NR5A1: variants seen among roughly 807,000 people sequenced by gnomAD.
The protein encoded by NR5A1 is steroidogenic factor 1.
A neutral mutation model predicts 42.7 loss-of-function variants in NR5A1; 6 were observed. The observed-to-expected ratio is 0.14, with a 90% CI of 0.08 to 0.28. The LOEUF is 0.28. NR5A1 is among the 10% of genes least tolerant of loss of function. The pLI is 1.00. For synonymous variants in NR5A1, 274 were observed against 277.5 expected (o/e 0.99, Z 0.12); for missense variants, 442 against 626.4 (o/e 0.71, Z 3.14).
At chr9:124,497,470 AG>A (rs1022032398) in intron 4 of NR5A1, among the ~76,000 whole-genome samples, 1 of 152,162 alleles carries the variant, frequency 6.6e-6, no homozygotes, top group African/African-American at 2.4e-5. Context: ...AAGATGGGGG[AG>A]GAAGACCCCA....
chr9:124,490,879 A>G (rs1393714082), intron 6 of NR5A1, among the ~76,000 whole-genome samples: 1 of 152,184 alleles, frequency 6.6e-6, no homozygotes, highest in Non-Finnish European at 1.5e-5. Context: ...CCAGAGCGGG[A>G]GCAGCCCCCA....
intron 4 of NR5A1, among the ~76,000 whole-genome samples, chr9:124,497,171 C>T (rs1832401788): frequency 1.3e-5 from 2 of 152,172 alleles, no homozygotes; most frequent in Non-Finnish European, 2.9e-5. Flanking sequence ...AAACTGCCCG[C>T]GCTCAGTTCT....
intron 6 of NR5A1, among the ~76,000 whole-genome samples, chr9:124,489,208 T>A (rs1832266283): frequency 6.6e-6 from 1 of 152,218 alleles, no homozygotes; most frequent in African/African-American, 2.4e-5. Flanking sequence ...GACAGAGCCC[T>A]GGCAAAGGAG....
At chr9:124,485,517 G>GCCCTCCATCCTCCCAGCCTCCAT (rs1223834183) in intron 6 of NR5A1, among the ~76,000 whole-genome samples, 2 of 152,112 alleles carry the variant, frequency 1.3e-5, no homozygotes, top group African/African-American at 4.8e-5. Context: ...GCAGGACCTG[G>GCCCTCCATCCTCCCAGCCTCCAT]CCTCCATCCT....
At position 124,498,488 on chromosome 9, in the gene NR5A1, A is replaced by G. The variant is rs1383685180; in HGVS notation, c.870+1602T>C. The stretch of plus-strand genomic sequence containing the variant: ...GCGTGAAAATCCCCGGGAGACTAGG[A>G]AGGCAGCCAGAGGAAGTGCCCTGCC... On this transcript the variant is annotated intron_variant, in intron 4 of 6. Coordinates refer to ENST00000373588, the MANE Select transcript of NR5A1 (RefSeq NM_004959.5). The surrounding 1 kb of genome is among the most constrained non-coding windows in gnomAD (Gnocchi z 4.6). Among the ~76,000 whole-genome samples the G allele has an allele frequency of 2.0e-5, 3 of 152,144 alleles. No homozygotes were observed. Among genetic ancestry groups the G allele is most frequent in the Non-Finnish European group, 4.4e-5 (3 of 68,020 alleles).
chr9:124,490,327 G>A (rs1197164301), intron 6 of NR5A1, among the ~76,000 whole-genome samples: 1 of 152,214 alleles, frequency 6.6e-6, no homozygotes, highest in Non-Finnish European at 1.5e-5. Context: ...TATGTCCTCA[G>A]CATCTCTGGG....
intron 6 of NR5A1, 50 bp downstream of exon 6, chr9:124,491,031 C>T: frequency 1.6e-6 from 2 of 1,217,250 alleles, no homozygotes; most frequent in Non-Finnish European, 2.3e-6. Flanking sequence ...ACCCTCCCAC[C>T]CACCCGCCTC....
chr9:124,482,944 G>T lies in NR5A1; in HGVS notation c.1200C>A (p.Ala400=). The T allele has an allele frequency of 1.2e-6, 2 of 1,614,160 alleles. No individual in the cohort carries two copies. Among genetic ancestry groups the T allele is most frequent in the Non-Finnish European group, 1.7e-6 (2 of 1,180,032 alleles). ...AGTGGCACAGGGTGTAGTCAAGCAG[G>T]GCGGCGTTGGCCTTCTCCTGAGCGT... ...VKDAQEKANA[A]LLDYTLCHYP... The change falls in exon 7 of 7, where the codon GCC becomes GCA. Residue 400 remains alanine, a synonymous_variant. Coordinates refer to ENST00000373588, the MANE Select transcript of NR5A1 (RefSeq NM_004959.5).
chr9:124,500,194 G>T lies in NR5A1; in HGVS notation c.766C>A (p.Pro256Thr), dbSNP rs1832444845. Residue 256 changes from proline to threonine, a missense_variant, in exon 4 of 7, where the codon CCC becomes ACC. Physicochemically the swap from Pro to Thr is conservative, Grantham distance 38. Around this residue, in one of 3 missense-constraint regions of NR5A1, gnomAD observed 208 missense variants for 203.8 expected, o/e 1.02. Coordinates refer to ENST00000373588, the MANE Select transcript of NR5A1 (RefSeq NM_004959.5). The surrounding 1 kb of genome is among the most constrained non-coding windows in gnomAD (Gnocchi z 6.9). ...GCLQEPTKSRPDQPAAFGLLC... is the reference protein window; with the variant it reads ...GCLQEPTKSRTDQPAAFGLLC... ...AGGCCGAAGGCCGCCGGCTGGTCGG[G>T]GCGGCTTTTGGTGGGCTCCTGCAGG... The T allele has an allele frequency of 1.9e-6, 3 of 1,610,192 alleles. No homozygotes were observed. The highest frequency in any genetic ancestry group is 2.5e-6 in the Non-Finnish European group (3 of 1,178,186).
In NR5A1 at chr9:124,500,461, G is replaced by C. The variant is rs752047719; in HGVS notation, c.499C>G (p.Pro167Ala). Residue 167 changes from proline to alanine, a missense_variant, in exon 4 of 7, where the codon CCA (proline) becomes GCA (alanine). By Grantham distance (27) the Pro-to-Ala change is conservative. Transcript: ENST00000373588. This position sits in a 1 kb window ranked among gnomAD's most constrained non-coding sequence, Gnocchi z 6.9. ...CCGGGCACGGCCATGGGCAGTGCTG[G>C]GGCCCCAAAGTCGCCCAGTGGCCCA... is the stretch of plus-strand genomic sequence containing the variant. ...PAGPLGDFGA[P>A]ALPMAVPGAH... The C allele has an allele frequency of 2.5e-6, 4 of 1,592,248 alleles. No individual in the cohort carries two copies. The African/African-American group carries it at 5.4e-5, about 21-fold the overall frequency.
intron 1 of NR5A1, among the ~76,000 whole-genome samples, chr9:124,506,427 G>T (rs1056696166): frequency 3.3e-5 from 5 of 152,152 alleles, no homozygotes; most frequent in African/African-American, 1.2e-4. Context: ...GGGGGTCACT[G>T]CCGCCTCTGA....
At position 124,497,996 on chromosome 9, in the gene NR5A1, A is replaced by G. The variant is rs537835116; in HGVS notation, c.870+2094T>C. Among the ~76,000 whole-genome samples, 5 of 152,148 alleles carry G rather than the reference A, an allele frequency of 3.3e-5. No individual in the cohort carries two copies. In the South Asian group the frequency reaches 1.0e-3, roughly 32 times the overall value. On this transcript the variant is annotated intron_variant, in intron 4 of 6. Transcript: ENST00000373588. Reference sequence around the variant, plus strand: ...CTGGCATTATCTAAGTGCATGTCTGACTTCTCCTCCAGGCTGGCAGCTTCC... The same window carrying G: ...CTGGCATTATCTAAGTGCATGTCTGGCTTCTCCTCCAGGCTGGCAGCTTCC...
At position 124,501,259 on chromosome 9, in the gene NR5A1, C is replaced by A. The variant is rs1474532868; in HGVS notation, c.245-544G>T. 6.6e-6 allele frequency among the ~76,000 whole-genome samples: 1 copy of A among 152,156 alleles called. No individual in the cohort carries two copies. On this transcript the variant is annotated intron_variant, in intron 3 of 6. Transcript: ENST00000373588. This position sits in a 1 kb window ranked among gnomAD's most constrained non-coding sequence, Gnocchi z 4.1. Reference sequence around the variant, plus strand: ...GAAGGGGACCCTGGTCAGCCTTGTTCACCGCTGGCCCCAGGGTCCAGCTGT... The same window carrying A: ...GAAGGGGACCCTGGTCAGCCTTGTTAACCGCTGGCCCCAGGGTCCAGCTGT...
intron 6 of NR5A1, among the ~76,000 whole-genome samples, chr9:124,484,617 G>T (rs1832180576): frequency 6.6e-6 from 1 of 152,136 alleles, no homozygotes; most frequent in Non-Finnish European, 1.5e-5. Flanking sequence ...ACCGAGGCAT[G>T]GTGGCGCGCA....
At chr9:124,493,192 T>G in intron 4 of NR5A1, 43 bp from the exon 5 acceptor site, 2 of 1,586,296 alleles carry the variant, frequency 1.3e-6, no homozygotes, top group Non-Finnish European at 1.7e-6. Flanking sequence ...CCAGCCAGGG[T>G]CCAGGGACCT....
intron 1 of NR5A1, among the ~76,000 whole-genome samples, chr9:124,504,896 C>T (rs527815115): frequency 6.9e-6 from 1 of 144,320 alleles, no homozygotes; most frequent in Non-Finnish European, 1.5e-5. Context: ...CCCATCCTGC[C>T]TCCCTGTTCC....
chr9:124,498,273 G>A lies in NR5A1; in HGVS notation c.870+1817C>T, dbSNP rs573756418. Among the ~76,000 whole-genome samples, 4 of 152,324 alleles carry A rather than the reference G, an allele frequency of 2.6e-5. No homozygotes were observed. The highest frequency in any genetic ancestry group is 5.9e-5 in the Non-Finnish European group (4 of 68,038). Reference sequence around the variant, plus strand: ...GGAAAAGAACTTCCACATGGCTTACGAGAGGCGCTCTAAGGGCTGGGCTGG... The same window carrying A: ...GGAAAAGAACTTCCACATGGCTTACAAGAGGCGCTCTAAGGGCTGGGCTGG... On this transcript the variant is annotated intron_variant, in intron 4 of 6. Transcript: ENST00000373588. This position sits in a 1 kb window ranked among gnomAD's most constrained non-coding sequence, Gnocchi z 4.6.
intron 1 of NR5A1, among the ~76,000 whole-genome samples, chr9:124,505,296 C>T (rs1233781377): frequency 6.6e-5 from 10 of 152,174 alleles, no homozygotes; most frequent in Non-Finnish European, 1.3e-4. Context: ...TGGGTCGTGG[C>T]GAATGCCACG....
chr9:124,497,780 G>A (rs531607931), intron 4 of NR5A1, among the ~76,000 whole-genome samples: 5 of 152,338 alleles, frequency 3.3e-5, no homozygotes, highest in East Asian at 3.9e-4. Context: ...TGGAACTCCC[G>A]GAACACGATG....
Sources: allele counts gnomAD v4.1 joint callset (sites outside exome capture counted in the v4.1 genomes callset), GRCh38; gene constraint gnomAD v4.1.1; regional missense constraint gnomAD v4.1.1; non-coding constraint Gnocchi (gnomAD v3.1); transcripts MANE v1.5; gene names NCBI Gene and HGNC (gene_info 2026-07-23, HGNC 2026-07-21).